ST18: variants seen among roughly 807,000 people sequenced by gnomAD.
ST18 encodes ST18 C2H2C-type zinc finger transcription factor, also known as suppression of tumorigenicity 18 protein.
In ST18, 50 loss-of-function variants were observed where a neutral mutation model predicts 110.0. The observed-to-expected ratio is 0.45, with a 90% CI of 0.36 to 0.58. The LOEUF is 0.58. ST18 is among the 20% of genes least tolerant of loss of function. The pLI is 0.00. For missense variants in ST18, 1,306 were observed against 1,280.1 expected (o/e 1.02, Z -0.31); for synonymous variants, 461 against 452.4 (o/e 1.02, Z -0.24).
At chr8:52,159,638 T>C (rs2060909242) in intron 14 of ST18, among the ~76,000 whole-genome samples, 1 of 152,220 alleles carries the variant, frequency 6.6e-6, no homozygotes, top group Non-Finnish European at 1.5e-5. Context: ...CTTAAACCAG[T>C]AGAAGTTGTT....
intron 8 of ST18, among the ~76,000 whole-genome samples, chr8:52,182,668 G>C (rs187773815): frequency 6.6e-6 from 1 of 152,030 alleles, no homozygotes; most frequent in African/African-American, 2.4e-5. Context: ...AATCAAACAG[G>C]CATAAAGTTT....
At chr8:52,240,998 T>C (rs2093350462) in intron 2 of ST18, among the ~76,000 whole-genome samples, 1 of 152,224 alleles carries the variant, frequency 6.6e-6, no homozygotes, top group Admixed American at 6.5e-5. Flanking sequence ...GGACCCATTA[T>C]TTTTTCCTCT....
intron 8 of ST18, among the ~76,000 whole-genome samples, chr8:52,196,467 T>A (rs1180063846): frequency 6.6e-6 from 1 of 152,192 alleles, no homozygotes; most frequent in Non-Finnish European, 1.5e-5. Flanking sequence ...ATGTCCCGTG[T>A]CTCTTCTCCC....
In ST18 at chr8:52,245,094, A is replaced by G. The variant is rs1045921331; in HGVS notation, c.-464-15017T>C. Among the ~76,000 whole-genome samples, 10 of 152,260 alleles carry G rather than the reference A, an allele frequency of 6.6e-5. No individual in the cohort carries two copies. The East Asian group carries it at 1.9e-3, about 29-fold the overall frequency. ...CCTTCAGAATAGCAATGTTAAGACT[A>G]ATTCTCCACCATTGTTTGATATTTG... On this transcript the variant is annotated intron_variant, in intron 2 of 25. Coordinates refer to ENST00000689386, the MANE Select transcript of ST18 (RefSeq NM_001352837.2).
At chr8:52,317,690 T>C (rs1385513584) in intron 2 of ST18, among the ~76,000 whole-genome samples, 1 of 152,242 alleles carries the variant, frequency 6.6e-6, no homozygotes, top group African/African-American at 2.4e-5. Flanking sequence ...ATGCAGTTTG[T>C]TTGTGTTTCA....
chr8:52,268,968 A>G (rs1316978144), intron 2 of ST18, among the ~76,000 whole-genome samples: 1 of 152,224 alleles, frequency 6.6e-6, no homozygotes, highest in Non-Finnish European at 1.5e-5. Context: ...CCTCCGCAGC[A>G]TCTTCACAGC....
chr8:52,118,712 C>T (rs1443347775), intron 23 of ST18, among the ~76,000 whole-genome samples: 1 of 152,052 alleles, frequency 6.6e-6, no homozygotes, highest in Non-Finnish European at 1.5e-5. Context: ...GTAAATATGC[C>T]TTCAATTACA....
At chr8:52,306,748 G>C (rs768641464) in intron 2 of ST18, among the ~76,000 whole-genome samples, 3 of 152,164 alleles carry the variant, frequency 2.0e-5, no homozygotes, top group African/African-American at 2.4e-5. Flanking sequence ...GGGGCCCTGA[G>C]GATCTTGGAC....
At chr8:52,371,200 G>A (rs540399557) in intron 2 of ST18, among the ~76,000 whole-genome samples, 1 of 152,180 alleles carries the variant, frequency 6.6e-6, no homozygotes, top group Admixed American at 6.5e-5. Context: ...GCTGTGTGCT[G>A]CTCGACTCTT....
At chr8:52,280,604 T>C (rs1167978179) in intron 2 of ST18, among the ~76,000 whole-genome samples, 1 of 152,058 alleles carries the variant, frequency 6.6e-6, no homozygotes, top group African/African-American at 2.4e-5. Flanking sequence ...AGCAAAGGCA[T>C]TATTAAATGG....
intron 8 of ST18, among the ~76,000 whole-genome samples, chr8:52,211,419 T>TATC (rs1460190640): frequency 1.4e-5 from 2 of 144,078 alleles, no homozygotes; most frequent in Non-Finnish European, 3.1e-5. Context: ...TTATTATTAT[T>TATC]ATTTTGAGAT....
At chr8:52,136,023 G>A (rs949656912) in intron 19 of ST18, among the ~76,000 whole-genome samples, 5 of 151,972 alleles carry the variant, frequency 3.3e-5, no homozygotes, top group South Asian at 2.1e-4. Context: ...TGTTCTATAC[G>A]TAATATAATA....
intron 2 of ST18, among the ~76,000 whole-genome samples, chr8:52,292,250 A>C (rs577371249): frequency 1.5e-4 from 23 of 152,346 alleles, no homozygotes; most frequent in Admixed American, 1.3e-3. Flanking sequence ...TGCTTTAATA[A>C]TGCAGTGTCT....
At chr8:52,138,896 G>A (rs564090526) in intron 17 of ST18, among the ~76,000 whole-genome samples, 4 of 152,198 alleles carry the variant, frequency 2.6e-5, no homozygotes, top group African/African-American at 7.2e-5. Flanking sequence ...ATAAACTAAC[G>A]CTATTCCTAT....
intron 23 of ST18, among the ~76,000 whole-genome samples, chr8:52,125,312 T>G (rs1313961873): frequency 6.6e-6 from 1 of 152,050 alleles, no homozygotes; most frequent in Non-Finnish European, 1.5e-5. Context: ...AGAACACAAT[T>G]GAAGGATTCA....
intron 8 of ST18, among the ~76,000 whole-genome samples, chr8:52,205,624 G>A (rs1449962722): frequency 6.6e-6 from 1 of 152,124 alleles, no homozygotes; most frequent in Non-Finnish European, 1.5e-5. Context: ...CTGGAGTGCA[G>A]TGGTGTAATC....
At chr8:52,306,926 T>C (rs1182214067) in intron 2 of ST18, among the ~76,000 whole-genome samples, 2 of 152,212 alleles carry the variant, frequency 1.3e-5, no homozygotes, top group African/African-American at 4.8e-5. Flanking sequence ...CATTTAGACA[T>C]TAGATTTAAC....
chr8:52,370,361 TGTGTGTGTGTGCATGCATGCATGTGTGC>T (rs1253959387), intron 2 of ST18, among the ~76,000 whole-genome samples: 1 of 149,914 alleles, frequency 6.7e-6, no homozygotes, highest in African/African-American at 2.5e-5. Context: ...CATGTGTGCA[TGTGTGTGTGTGCATGCATGCATGTGTGC>T]GTGTGTGTGT....
intron 15 of ST18, chr8:52,154,560 G>A (rs1015480319): frequency 2.0e-5 from 3 of 152,334 alleles, no homozygotes; most frequent in African/African-American, 7.2e-5. Context: ...TGTACCGGAG[G>A]AAGATGCTCA....
Sources: allele counts gnomAD v4.1 joint callset (sites outside exome capture counted in the v4.1 genomes callset), GRCh38; gene constraint gnomAD v4.1.1; transcripts MANE v1.5; gene names NCBI Gene and HGNC (gene_info 2026-07-23, HGNC 2026-07-21).